The following CACNA2D4 variants were observed in gnomAD, a reference collection of about 807,000 sequenced individuals.
CACNA2D4 encodes voltage-dependent calcium channel subunit alpha-2/delta-4.
In CACNA2D4, 157 loss-of-function variants were observed where a neutral mutation model predicts 163.8. That is an observed-to-expected ratio of 0.96 (90% confidence interval 0.84 to 1.09). The LOEUF is 1.09. Among genes scored for constraint, CACNA2D4 ranks in the 50% least tolerant of loss-of-function variants. CACNA2D4 has a pLI of 0.00. For synonymous variants in CACNA2D4, 598 were observed against 586.9 expected (o/e 1.02, Z -0.27); for missense variants, 1,410 against 1,479.9 (o/e 0.95, Z 0.78).
At chr12:1,797,714 G>A (rs1592646068) in intron 34 of CACNA2D4, 179 bp from the exon 35 acceptor site, 3 of 638,014 alleles carry the variant, frequency 4.7e-6, no homozygotes, top group South Asian at 1.7e-5. Flanking sequence ...GAAGACACCC[G>A]GAGTCTCTGG....
Position 1,820,729 on chromosome 12 carries a change from TGGATTTC to T in CACNA2D4, c.2552-9013_2552-9007del. 1 of 152,478 alleles carries T rather than the reference TGGATTTC, an allele frequency of 6.6e-6. No individual in the cohort carries two copies. The highest frequency in any genetic ancestry group is 1.9e-4 in the East Asian group (1 of 5,194). 9.4% of individuals were successfully genotyped at this position (152,478 alleles called of 1,614,324 possible). On this transcript the variant is annotated intron_variant, in intron 26 of 37. Transcript: ENST00000382722. The surrounding 1 kb of genome is among the most constrained non-coding windows in gnomAD (Gnocchi z 6.0). Reference sequence around the variant, plus strand: ...CTGCGCTCTGCCTGCCGGTGGTGTCTGGATTTCTATAGGAATCCCAGGAGGGTCTTAC... The same window carrying T: ...CTGCGCTCTGCCTGCCGGTGGTGTCTTATAGGAATCCCAGGAGGGTCTTAC...
Position 1,887,087 on chromosome 12 carries a change from C to T in CACNA2D4, c.782-18G>A, listed in dbSNP as rs751727348. On this transcript the variant is annotated intron_variant, in intron 6 of 37. Coordinates refer to ENST00000382722, the MANE Select transcript of CACNA2D4 (RefSeq NM_172364.5). ...TTTTATACCTGGGAGAATAAAGACT[C>T]GTTCTTTTACTAGCTTGGTGAGGCC... 12 of 1,556,060 alleles carry T rather than the reference C, an allele frequency of 7.7e-6. No homozygotes were observed. The highest frequency in any genetic ancestry group is 2.7e-5 in the African/African-American group (2 of 73,720).
chr12:1,826,777 G>C (rs1592682756), intron 26 of CACNA2D4, among the ~76,000 whole-genome samples: 1 of 152,256 alleles, frequency 6.6e-6, no homozygotes, highest in East Asian at 1.9e-4. Flanking sequence ...CAAGGAGGGA[G>C]GGGCCGAGGG....
intron 22 of CACNA2D4, among the ~76,000 whole-genome samples, chr12:1,854,406 T>TTTGTTG (rs1460635333): frequency 6.6e-6 from 1 of 152,080 alleles, no homozygotes; most frequent in African/African-American, 2.4e-5. Flanking sequence ...CTGTGAATTT[T>TTTGTTG]TTGTTGTTGT....
intron 6 of CACNA2D4, among the ~76,000 whole-genome samples, chr12:1,888,852 C>T (rs549055047): frequency 6.6e-6 from 1 of 152,196 alleles, no homozygotes; most frequent in East Asian, 1.9e-4. Flanking sequence ...ATTAAAAATC[C>T]AATTCCACAG....
intron 26 of CACNA2D4, among the ~76,000 whole-genome samples, chr12:1,826,411 C>A (rs4564390): frequency 3.1e-4 from 32 of 102,628 alleles, no homozygotes; most frequent in African/African-American, 4.4e-4. Context: ...CCCCCCCCCC[C>A]CCCCCGCCAA....
chr12:1,858,325 G>A (rs980618031), intron 20 of CACNA2D4, among the ~76,000 whole-genome samples: 2 of 152,172 alleles, frequency 1.3e-5, no homozygotes, highest in Admixed American at 1.3e-4. Context: ...AGGCCTCCCG[G>A]AAACTAGCAG....
chr12:1,825,057 T>A (rs1043118396), intron 26 of CACNA2D4, among the ~76,000 whole-genome samples: 2 of 152,242 alleles, frequency 1.3e-5, no homozygotes, highest in Non-Finnish European at 2.9e-5. Context: ...GGATCAACAG[T>A]GTCCTGCCAC....
intron 26 of CACNA2D4, among the ~76,000 whole-genome samples, chr12:1,824,973 TG>T (rs1294005112): frequency 2.6e-5 from 4 of 152,236 alleles, no homozygotes; most frequent in Admixed American, 2.6e-4. Context: ...CAGGATTAGC[TG>T]CTAAGAGAGC....
At chr12:1,886,156 A>C in intron 8 of CACNA2D4, 67 bp downstream of exon 8, 2 of 1,585,574 alleles carry the variant, frequency 1.3e-6, no homozygotes, top group Non-Finnish European at 1.7e-6. Context: ...GTTGTGGGTC[A>C]CCTTGGTACC....
At chr12:1,840,651 A>T (rs1269575162) in intron 26 of CACNA2D4, 88 bp downstream of exon 26, 1 of 1,082,312 alleles carries the variant, frequency 9.2e-7, no homozygotes, top group East Asian at 2.4e-5. Flanking sequence ...CCCTGGCCAC[A>T]TGTGCAGGGC....
chr12:1,845,632 C>T (rs567917306), intron 24 of CACNA2D4, among the ~76,000 whole-genome samples: 2 of 152,250 alleles, frequency 1.3e-5, no homozygotes, highest in South Asian at 4.1e-4. Flanking sequence ...AGGTCCTCAC[C>T]TGTTGGAGTC....
At chr12:1,817,326 C>A (rs1863907831) in intron 26 of CACNA2D4, among the ~76,000 whole-genome samples, 2 of 152,152 alleles carry the variant, frequency 1.3e-5, no homozygotes, top group African/African-American at 4.8e-5. Flanking sequence ...GTCTGGGTCC[C>A]CTGATGCCCA....
chr12:1,821,621 G>A (rs1027270594), intron 26 of CACNA2D4, among the ~76,000 whole-genome samples: 2 of 152,168 alleles, frequency 1.3e-5, no homozygotes, highest in East Asian at 3.9e-4. Flanking sequence ...GAGCTTGGGT[G>A]GGGGGTACAC....
At position 1,806,143 on chromosome 12, in the gene CACNA2D4, T is replaced by C. The variant is rs1034197591; in HGVS notation, c.2721+4135A>G. Among the ~76,000 whole-genome samples, 3 of 152,150 alleles carry C rather than the reference T, an allele frequency of 2.0e-5. No individual in the cohort carries two copies. Among genetic ancestry groups the C allele is most frequent in the Non-Finnish European group, 4.4e-5 (3 of 68,000 alleles). On this transcript the variant is annotated intron_variant, in intron 29 of 37. Coordinates refer to ENST00000382722, the MANE Select transcript of CACNA2D4 (RefSeq NM_172364.5). This position sits in a 1 kb window ranked among gnomAD's most constrained non-coding sequence, Gnocchi z 4.1. ...AGTTGCTGCCCCTTGAAGATCCACT[T>C]TGAAGCTTCCATGGGTGGGTGCCGC...
At position 1,917,030 on chromosome 12, in the gene CACNA2D4, G is replaced by C. The variant is rs1867001231; in HGVS notation, c.227+1217C>G. ...CTCCTATCAGCTGGTGTGTGTTCTGGGGATGAAAATTGTTCTGAACATCTC... is the reference window on the plus strand; with the variant it reads ...CTCCTATCAGCTGGTGTGTGTTCTGCGGATGAAAATTGTTCTGAACATCTC... On this transcript the variant is annotated intron_variant, in intron 1 of 37. Coordinates refer to ENST00000382722, the MANE Select transcript of CACNA2D4 (RefSeq NM_172364.5). This position sits in a 1 kb window ranked among gnomAD's most constrained non-coding sequence, Gnocchi z 4.3. 6.6e-6 allele frequency among the ~76,000 whole-genome samples: 1 copy of C among 152,152 alleles called. No homozygotes were observed. The highest frequency in any genetic ancestry group is 1.9e-4 in the East Asian group (1 of 5,182).
intron 23 of CACNA2D4, among the ~76,000 whole-genome samples, chr12:1,850,452 T>C (rs1174333452): frequency 1.3e-5 from 2 of 152,238 alleles, no homozygotes; most frequent in East Asian, 1.9e-4. Context: ...CTCTTAAGTC[T>C]CAATTTTCAA....
Position 1,856,187 on chromosome 12 carries a change from T to C in CACNA2D4, c.2051A>G (p.Asp684Gly). 29 of 1,613,980 alleles carry C rather than the reference T, an allele frequency of 1.8e-5. No homozygotes were observed. The highest frequency in any genetic ancestry group is 2.5e-5 in the Non-Finnish European group (29 of 1,179,866). Residue 684 changes from aspartate to glycine, a missense_variant, in exon 21 of 38, where the codon GAC (aspartate) becomes GGC (glycine). Asp to Gly is a moderately conservative substitution (Grantham distance 94). Transcript: ENST00000382722. ...CCATTTTTTACTCCTCACTTACCAG[T>C]CACCGGCCAGGGCCAGGTCTGGGTG... Reference protein sequence around the residue: ...LLHPDLALAGDWIYCITDIDP... With the variant: ...LLHPDLALAGGWIYCITDIDP...
At chr12:1,861,606 T>C (rs1018531008) in intron 18 of CACNA2D4, among the ~76,000 whole-genome samples, 2 of 151,874 alleles carry the variant, frequency 1.3e-5, no homozygotes, top group Non-Finnish European at 2.9e-5. Context: ...CCACACCCAG[T>C]TAATTTTTGT....
Sources: allele counts gnomAD v4.1 joint callset (sites outside exome capture counted in the v4.1 genomes callset), GRCh38; gene constraint gnomAD v4.1.1; non-coding constraint Gnocchi (gnomAD v3.1); transcripts MANE v1.5; gene names NCBI Gene and HGNC (gene_info 2026-07-23, HGNC 2026-07-21).